The following SHANK1 variants were observed in gnomAD, a reference collection of about 807,000 sequenced individuals.
SHANK1 encodes the protein SH3 and multiple ankyrin repeat domains 1, also known as SH3 and multiple ankyrin repeat domains protein 1.
Under a neutral mutation model 165.6 loss-of-function variants are expected in SHANK1, and 35 were observed. The ratio of observed to expected loss-of-function variants is 0.21; its 90% confidence interval spans 0.16 to 0.28. The LOEUF (loss-of-function observed/expected upper bound fraction) is 0.28. Ranked by LOEUF, SHANK1 falls within the 10% of genes least tolerant of loss-of-function variation. The pLI, the probability that SHANK1 is intolerant of heterozygous loss-of-function variation, is 1.00. For missense variants in SHANK1, 2,681 were observed against 3,036.4 expected (o/e 0.88, Z 2.75); for synonymous variants, 1,428 against 1,384.8 (o/e 1.03, Z -0.69).
rs72626241 is a variant in SHANK1, at chr19:50,690,830, A to T, written c.1965-1551T>A. ...CACATACATCCCAGCAAATGCCAAT[A>T]ATACTTACTGTGCTCCACTGTATTT... On this transcript the variant is annotated intron_variant, in intron 15 of 23. Coordinates refer to ENST00000293441, the MANE Select transcript of SHANK1 (RefSeq NM_016148.5). The surrounding 1 kb of genome is among the most constrained non-coding windows in gnomAD (Gnocchi z 4.9). 2.6e-5 allele frequency among the ~76,000 whole-genome samples: 4 copies of T among 152,070 alleles called. No homozygotes were observed. The highest frequency in any genetic ancestry group is 5.9e-5 in the Non-Finnish European group (4 of 68,018).
chr19:50,672,032 C>T lies in SHANK1; in HGVS notation c.2660G>A (p.Arg887Gln), dbSNP rs754465479. ...FLPPGPGLML[R>Q]QKSIGAAEDD... ...GGGTGGCATACCGATAGATTTTTGC[C>T]GGAGCATCAACCCAGGTCCTGGAGG... The change falls in exon 22 of 24, where the codon CGG becomes CAG. Residue 887 changes from arginine to glutamine, a missense_variant. Around this residue, in one of 10 missense-constraint regions of SHANK1, gnomAD observed 206 missense variants for 216.0 expected, o/e 0.95. Transcript: ENST00000293441. 17 of 1,613,286 alleles carry T rather than the reference C, an allele frequency of 1.1e-5. No homozygotes were observed. The highest frequency in any genetic ancestry group is 3.3e-5 in the Admixed American group (2 of 59,952).
chr19:50,702,772 G>T lies in SHANK1; in HGVS notation c.1554-112C>A. 1.5e-6 allele frequency: 1 copy of T among 678,240 alleles called. No homozygotes were observed. The highest frequency in any genetic ancestry group is 2.4e-6 in the Non-Finnish European group (1 of 410,644). The allele number at this position is 678,240 out of a possible 1,614,324, so 42.0% of individuals were successfully genotyped here. On this transcript the variant is annotated intron_variant, in intron 11 of 23. Coordinates refer to ENST00000293441, the MANE Select transcript of SHANK1 (RefSeq NM_016148.5). This position sits in a 1 kb window ranked among gnomAD's most constrained non-coding sequence, Gnocchi z 5.3. ...GACGGTGCATCAGGGGGGAGGGGGG[G>T]TTTCCCAGCACTGGCGTCCTCCAAG...
chr19:50,706,095 G>T (rs2088935799), intron 8 of SHANK1, among the ~76,000 whole-genome samples: 1 of 146,408 alleles, frequency 6.8e-6, no homozygotes, highest in African/African-American at 2.5e-5. Flanking sequence ...AGAGGTCGAG[G>T]CTGCAAAGAT....
intron 21 of SHANK1, among the ~76,000 whole-genome samples, chr19:50,684,071 T>C (rs535264160): frequency 1.3e-5 from 2 of 152,342 alleles, no homozygotes; most frequent in African/African-American, 2.4e-5. Flanking sequence ...GTACCGCCCT[T>C]TCCTTCTTAA....
At chr19:50,682,535 G>A (rs781695938) in intron 21 of SHANK1, among the ~76,000 whole-genome samples, 8 of 152,162 alleles carry the variant, frequency 5.3e-5, no homozygotes, top group Non-Finnish European at 8.8e-5. Flanking sequence ...AATTAAGTTA[G>A]AGGAAGTCAG....
Position 50,688,023 on chromosome 19 carries a change from T to C in SHANK1, c.2208A>G (p.Arg736=), listed in dbSNP as rs754716036. The C allele has an allele frequency of 1.9e-6, 3 of 1,614,088 alleles. No homozygotes were observed. Among genetic ancestry groups the C allele is most frequent in the Non-Finnish European group, 8.5e-7 (1 of 1,179,990 alleles). The stretch of plus-strand genomic sequence containing the variant: ...CTTGGCGGATCATGTTCACCACCTG[T>C]CGGTGGCCGACCTTCACCACATTCT... ...NGQNVVKVGH[R]QVVNMIRQGG... The change falls in exon 18 of 24, where the codon CGA becomes CGG. Residue 736 remains arginine (R), a synonymous_variant. Transcript: ENST00000293441. The surrounding 1 kb of genome is among the most constrained non-coding windows in gnomAD (Gnocchi z 6.7).
Position 50,715,500 on chromosome 19 carries a change from G to GT in SHANK1, c.531+158_531+159insA, listed in dbSNP as rs879601492. 6.2e-3 allele frequency among the ~76,000 whole-genome samples: 935 copies of GT among 152,032 alleles called. 2 individuals are homozygous for GT. Among genetic ancestry groups the GT allele is most frequent in the Non-Finnish European group, 0.01 (701 of 67,998 alleles). On this transcript the variant is annotated intron_variant, in intron 4 of 23. Transcript: ENST00000293441. ...GGGTATTTGTGGTTGTCTCAAATGT[G>GT]GTACAGCATCCCAAGTTAAGCGGGG...
rs755201460 is a variant in SHANK1 at position 50,694,879 on chromosome 19, G to A, written c.1964+2217C>T. On this transcript the variant is annotated intron_variant, in intron 15 of 23. Coordinates refer to ENST00000293441, the MANE Select transcript of SHANK1 (RefSeq NM_016148.5). ...CGGGGCCTGCCGGCCGGCCCGCAAAGCAGGAGGCGGCGCGCTCCGTTACCT... is the reference window on the plus strand; with the variant it reads ...CGGGGCCTGCCGGCCGGCCCGCAAAACAGGAGGCGGCGCGCTCCGTTACCT... 6.8e-3 allele frequency among the ~76,000 whole-genome samples: 1,029 copies of A among 150,682 alleles called. 8 individuals are homozygous for A. The highest frequency in any genetic ancestry group is 0.017 in the South Asian group (81 of 4,784).
chr19:50,660,793 CAA>C lies in SHANK1; in HGVS notation c.*1170_*1171del, dbSNP rs1985177688. Among the ~76,000 whole-genome samples the C allele has an allele frequency of 1.4e-5, 2 of 143,254 alleles. No individual in the cohort carries two copies. Among genetic ancestry groups the C allele is most frequent in the Admixed American group, 1.4e-4 (2 of 14,142 alleles). The allele number at this position is 143,254 out of a possible 152,430, so 94.0% of individuals were successfully genotyped here. On this transcript the variant is annotated 3_prime_UTR_variant, in exon 24 of 24. Transcript: ENST00000293441. ...CAAAAGAATCAAAAATGCAGAAGGG[CAA>C]AGATTTCAAACAGAAAGGGGCAAGG...
Position 50,666,205 on chromosome 19 carries a change from G to C in SHANK1, c.5755C>G (p.Leu1919Val). Residue 1919 changes from leucine to valine, a missense_variant, in exon 23 of 24, where the codon CTG (leucine) becomes GTG (valine). Transcript: ENST00000293441. Reference protein sequence around the residue: ...ASYVPERTSSLQRQRLSDDSQ... With the variant: ...ASYVPERTSSVQRQRLSDDSQ... ...GCCCCCGCTTACCTCTGCCGCTGCA[G>C]GGAGGAGGTCCTCTCGGGGACATAG... The C allele has an allele frequency of 6.3e-7, 1 of 1,599,608 alleles. No homozygotes were observed. Among genetic ancestry groups the C allele is most frequent in the East Asian group, 2.3e-5 (1 of 44,384 alleles).
Position 50,686,730 on chromosome 19 carries a change from C to G in SHANK1, c.2458+14G>C, listed in dbSNP as rs377052784. On this transcript the variant is annotated intron_variant, in intron 20 of 23. Transcript: ENST00000293441. The surrounding 1 kb of genome is among the most constrained non-coding windows in gnomAD (Gnocchi z 5.7). The stretch of plus-strand genomic sequence containing the variant: ...GGGCCCGGCATCCCGAGGAGCAGGG[C>G]TGGGCCGTCTTACTGAGAGCCATCT... 6.2e-7 allele frequency: 1 copy of G among 1,612,906 alleles called. No homozygotes were observed. Among genetic ancestry groups the G allele is most frequent in the Admixed American group, 1.7e-5 (1 of 59,970 alleles).
At chr19:50,665,902 A>ACATGCCTGTGATCCATGCTACT (rs1555739474) in intron 23 of SHANK1, among the ~76,000 whole-genome samples, 1 of 135,648 alleles carries the variant, frequency 7.4e-6, no homozygotes, top group Non-Finnish European at 1.6e-5. Flanking sequence ...GTGTGGTGGC[A>ACATGCCTGTGATCCATGCTACT]TGGGAGGCTG....
In SHANK1 at chr19:50,662,444, G is replaced by A; in HGVS notation, c.6007C>T (p.Leu2003=). Residue 2003 remains leucine, a synonymous_variant, in exon 24 of 24, where the codon CTG becomes TTG. Transcript: ENST00000293441. The surrounding 1 kb of genome is among the most constrained non-coding windows in gnomAD (Gnocchi z 7.7). ...PLLRRAPSPS[L]LPASEHKVSP... is the part of the protein sequence containing the mutation. Reference sequence around the variant, plus strand: ...ACCTTGTGCTCCGAGGCGGGCAGCAGCGAGGGGCTGGGGGCCCGGCGGAGC... The same window carrying A: ...ACCTTGTGCTCCGAGGCGGGCAGCAACGAGGGGCTGGGGGCCCGGCGGAGC... The A allele has an allele frequency of 6.4e-7, 1 of 1,553,228 alleles. No homozygotes were observed. Among genetic ancestry groups the A allele is most frequent in the South Asian group, 1.2e-5 (1 of 81,352 alleles).
chr19:50,684,054 T>G (rs1348637429), intron 21 of SHANK1, among the ~76,000 whole-genome samples: 1 of 152,080 alleles, frequency 6.6e-6, no homozygotes, highest in Non-Finnish European at 1.5e-5. Context: ...TCTTTCTTTC[T>G]GTTTCTGTAC....
At chr19:50,707,365 C>T (rs2088952520) in intron 8 of SHANK1, among the ~76,000 whole-genome samples, 1 of 152,120 alleles carries the variant, frequency 6.6e-6, no homozygotes, top group African/African-American at 2.4e-5. Context: ...TCAACTCTAC[C>T]CCAGCGCCCT....
chr19:50,661,670 C>A lies in SHANK1; in HGVS notation c.*295G>T, dbSNP rs1195023124. Among the ~76,000 whole-genome samples the A allele has an allele frequency of 6.6e-6, 1 of 152,048 alleles. No homozygotes were observed. Among genetic ancestry groups the A allele is most frequent in the East Asian group, 1.9e-4 (1 of 5,184 alleles). ...TATGGCTCTGTCTATCCCCTCCCCC[C>A]AGAATAGGCCCTTCCCTCCTTCTCA... is the stretch of plus-strand genomic sequence containing the variant. On this transcript the variant is annotated 3_prime_UTR_variant, in exon 24 of 24. Transcript: ENST00000293441.
chr19:50,716,180 C>A lies in SHANK1; in HGVS notation c.459+95G>T. On this transcript the variant is annotated intron_variant, in intron 3 of 23. Coordinates refer to ENST00000293441, the MANE Select transcript of SHANK1 (RefSeq NM_016148.5). The surrounding 1 kb of genome is among the most constrained non-coding windows in gnomAD (Gnocchi z 8.4). The stretch of plus-strand genomic sequence containing the variant: ...TGGACTCGCACACTGGGTGCCCCCT[C>A]GTTAAGGTTTCGAGTGTGTTAAAAA... 2.5e-6 allele frequency: 3 copies of A among 1,199,010 alleles called. No homozygotes were observed. Among genetic ancestry groups the A allele is most frequent in the Non-Finnish European group, 2.4e-6 (2 of 818,632 alleles). The allele number at this position is 1,199,010 out of a possible 1,614,324, so 74.3% of individuals were successfully genotyped here. A position where few individuals can be genotyped will look rare whatever the true frequency, so the allele number is the denominator to read the frequency against.
In SHANK1 at chr19:50,697,573, G is replaced by T. The variant is rs1986782040; in HGVS notation, c.1937+16C>A. On this transcript the variant is annotated intron_variant, in intron 14 of 23. Transcript: ENST00000293441. This position sits in a 1 kb window ranked among gnomAD's most constrained non-coding sequence, Gnocchi z 4.7. The stretch of plus-strand genomic sequence containing the variant: ...TTGGGGTGAGGGGGGTTGCCCGAGG[G>T]TGTAAGGACATTTACCTTGGGGCAT... 6.2e-7 allele frequency: 1 copy of T among 1,606,224 alleles called. No homozygotes were observed. Among genetic ancestry groups the T allele is most frequent in the Non-Finnish European group, 8.5e-7 (1 of 1,172,798 alleles).
At position 50,713,735 on chromosome 19, in the gene SHANK1, A is replaced by G. The variant is rs1349194693; in HGVS notation, c.792+63T>C. 10 of 1,593,446 alleles carry G rather than the reference A, an allele frequency of 6.3e-6. No individual in the cohort carries two copies. In the Admixed American group the frequency reaches 1.7e-4, roughly 27 times the overall value. On this transcript the variant is annotated intron_variant, in intron 6 of 23. Transcript: ENST00000293441. This position sits in a 1 kb window ranked among gnomAD's most constrained non-coding sequence, Gnocchi z 6.2. ...TGAAACCAAAGAACTGAGGTTTGAGAAAGAACAAAGGGAAAAGGAGAGAGG... is the reference window on the plus strand; with the variant it reads ...TGAAACCAAAGAACTGAGGTTTGAGGAAGAACAAAGGGAAAAGGAGAGAGG...
Sources: gnomAD v4.1 joint callset for allele counts (sites outside exome capture counted in the v4.1 genomes callset) on GRCh38, gnomAD v4.1.1 for gene constraint, gnomAD v4.1.1 regional missense constraint, Gnocchi (gnomAD v3.1) non-coding constraint, MANE v1.5 for transcripts, NCBI Gene and HGNC (gene_info 2026-07-23, HGNC 2026-07-21) for gene names.